KLF12: variants seen among roughly 807,000 people sequenced by gnomAD.
The protein encoded by KLF12 is Krueppel-like factor 12.
A neutral mutation model predicts 37.8 loss-of-function variants in KLF12; 9 were observed. The ratio of observed to expected loss-of-function variants is 0.24; its 90% CI spans 0.14 to 0.42. KLF12 has a LOEUF of 0.42. KLF12 is among the 10% of genes least tolerant of loss of function. KLF12 has a pLI of 1.00. For missense variants in KLF12, 411 were observed against 516.0 expected (o/e 0.80, Z 1.97); for synonymous variants, 208 against 202.1 (o/e 1.03, Z -0.25).
At chr13:73,936,461 T>C (rs1889930516) in intron 3 of KLF12, among the ~76,000 whole-genome samples, 1 of 152,172 alleles carries the variant, frequency 6.6e-6, no homozygotes, top group South Asian at 2.1e-4. Context: ...AACCTACTGC[T>C]GTATGGCCGA....
At chr13:73,958,439 C>A (rs943299925) in intron 2 of KLF12, among the ~76,000 whole-genome samples, 5 of 151,970 alleles carry the variant, frequency 3.3e-5, no homozygotes, top group African/African-American at 1.2e-4. Flanking sequence ...GACAGGGTTT[C>A]ACCATGTTGA....
At chr13:74,023,304 T>TA (rs1018576284) in intron 1 of KLF12, among the ~76,000 whole-genome samples, 6 of 152,210 alleles carry the variant, frequency 3.9e-5, no homozygotes, top group Non-Finnish European at 7.4e-5. Context: ...ACATGTTTGC[T>TA]AAAAAACAGA....
At chr13:74,005,953 C>G (rs541083218) in intron 1 of KLF12, among the ~76,000 whole-genome samples, 1 of 152,162 alleles carries the variant, frequency 6.6e-6, no homozygotes. Flanking sequence ...TGATCTGGCT[C>G]AGGGTGCTTC....
At chr13:74,207,713 T>C in the KLF12 span, among the ~76,000 whole-genome samples, 2 of 152,026 alleles carry the variant, frequency 1.3e-5, no homozygotes, top group East Asian at 1.9e-4. Flanking sequence ...TTTCAGGTCA[T>C]GCAGCAAATG....
chr13:73,855,217 C>A (rs1265387288), intron 3 of KLF12, among the ~76,000 whole-genome samples: 9 of 152,162 alleles, frequency 5.9e-5, no homozygotes, highest in Non-Finnish European at 1.0e-4. Flanking sequence ...GAGCACAGTA[C>A]CCAACAGATA....
chr13:74,006,871 C>T (rs1193664154), intron 1 of KLF12, among the ~76,000 whole-genome samples: 1 of 152,220 alleles, frequency 6.6e-6, no homozygotes, highest in East Asian at 1.9e-4. Flanking sequence ...GATTGCTCAT[C>T]TCTAGTCTCT....
the KLF12 span, among the ~76,000 whole-genome samples, chr13:74,139,848 T>C: frequency 2.0e-5 from 3 of 152,010 alleles, no homozygotes; most frequent in African/African-American, 7.2e-5. Flanking sequence ...GCATATGAGA[T>C]CTGAACTATA....
At chr13:74,036,372 G>A (rs376606929) in intron 1 of KLF12, among the ~76,000 whole-genome samples, 53 of 152,110 alleles carry the variant, frequency 3.5e-4, no homozygotes, top group African/African-American at 1.2e-3. Context: ...GAACAGGGAG[G>A]CTATGTACCA....
At chr13:74,149,933 C>T in the KLF12 span, among the ~76,000 whole-genome samples, 1 of 152,202 alleles carries the variant, frequency 6.6e-6, no homozygotes, top group African/African-American at 2.4e-5. Flanking sequence ...GTTGCATTTC[C>T]TCACCTTCTG....
intron 3 of KLF12, among the ~76,000 whole-genome samples, chr13:73,893,680 C>T (rs1001328838): frequency 6.6e-6 from 1 of 152,018 alleles, no homozygotes; most frequent in African/African-American, 2.4e-5. Context: ...CCATGCCCAG[C>T]CTAATATTGA....
chr13:74,042,678 G>A (rs1446677905), intron 1 of KLF12, among the ~76,000 whole-genome samples: 1 of 152,152 alleles, frequency 6.6e-6, no homozygotes, highest in Non-Finnish European at 1.5e-5. Flanking sequence ...GATCCGATAA[G>A]TATGTCCAAA....
chr13:74,216,462 C>T, the KLF12 span, among the ~76,000 whole-genome samples: 3 of 152,114 alleles, frequency 2.0e-5, no homozygotes, highest in South Asian at 2.1e-4. Flanking sequence ...CTGATGAGGA[C>T]GGCATCCCTG....
chr13:73,934,632 CT>C (rs1465649061), intron 3 of KLF12, among the ~76,000 whole-genome samples: 3 of 152,024 alleles, frequency 2.0e-5, no homozygotes. Context: ...TTTTTGCCCC[CT>C]GGCTGCTTTT....
chr13:73,716,786 T>C (rs1875845849), intron 6 of KLF12, among the ~76,000 whole-genome samples: 1 of 152,224 alleles, frequency 6.6e-6, no homozygotes, highest in Non-Finnish European at 1.5e-5. Context: ...GATTCATCCA[T>C]GTCGATATAA....
At chr13:74,234,585 C>A in the KLF12 span, among the ~76,000 whole-genome samples, 1 of 152,050 alleles carries the variant, frequency 6.6e-6, no homozygotes, top group East Asian at 1.9e-4. Context: ...TTAAAACCAA[C>A]AGAATGAAGT....
At chr13:73,902,738 GT>G (rs1158364016) in intron 3 of KLF12, among the ~76,000 whole-genome samples, 1 of 152,128 alleles carries the variant, frequency 6.6e-6, no homozygotes, top group African/African-American at 2.4e-5. Context: ...ATCCCTAATT[GT>G]ATAAGTACTA....
chr13:74,137,902 G>A (rs1231461330), upstream of KLF12, among the ~76,000 whole-genome samples: 3 of 152,108 alleles, frequency 2.0e-5, no homozygotes, highest in Admixed American at 6.6e-5. Flanking sequence ...CTAGGATTAC[G>A]GGCATGCGCC....
intron 3 of KLF12, among the ~76,000 whole-genome samples, chr13:73,847,988 T>C (rs1170902556): frequency 6.6e-6 from 1 of 152,204 alleles, no homozygotes; most frequent in African/African-American, 2.4e-5. Flanking sequence ...ATAGAAATTC[T>C]TTGCTTAGGT....
chr13:74,197,251 G>T, the KLF12 span, among the ~76,000 whole-genome samples: 8 of 152,064 alleles, frequency 5.3e-5, no homozygotes, highest in African/African-American at 1.7e-4. Flanking sequence ...TCTTTTGATG[G>T]TTATTTTGAA....
Sources: allele counts gnomAD v4.1 joint callset (sites outside exome capture counted in the v4.1 genomes callset), GRCh38; gene constraint gnomAD v4.1.1; transcripts MANE v1.5; gene names NCBI Gene and HGNC (gene_info 2026-07-23, HGNC 2026-07-21).